The following NCKAP5 variants were observed in gnomAD, a reference collection of about 807,000 sequenced individuals.
NCKAP5 encodes the protein nck-associated protein 5.
NCKAP5 carries 92 observed loss-of-function variants against 167.0 expected under a neutral mutation model. The observed-to-expected ratio is 0.55, with a 90% CI of 0.47 to 0.66. The LOEUF is 0.66. NCKAP5 is among the 30% of genes least tolerant of loss of function. NCKAP5 has a pLI of 0.00. For synonymous variants in NCKAP5, 891 were observed against 877.4 expected (o/e 1.02, Z -0.27); for missense variants, 2,378 against 2,315.0 (o/e 1.03, Z -0.56).
chr2:133,128,686 C>T (rs1023356039), intron 6 of NCKAP5, among the ~76,000 whole-genome samples: 6 of 152,074 alleles, frequency 3.9e-5, no homozygotes, highest in Non-Finnish European at 8.8e-5. Flanking sequence ...CAAACTCCAC[C>T]TCCTGGGTTC....
intron 11 of NCKAP5, among the ~76,000 whole-genome samples, chr2:132,835,134 G>A (rs1687798928): frequency 6.6e-6 from 1 of 152,032 alleles, no homozygotes; most frequent in Non-Finnish European, 1.5e-5. Context: ...TGTGTATGTT[G>A]AACCATCCTT....
intron 7 of NCKAP5, among the ~76,000 whole-genome samples, chr2:132,986,291 G>A (rs1180384658): frequency 6.6e-6 from 1 of 152,156 alleles, no homozygotes; most frequent in East Asian, 1.9e-4. Context: ...TTCAAAATGA[G>A]GGAAAAGGTT....
chr2:132,744,307 C>T (rs542515966), intron 16 of NCKAP5, among the ~76,000 whole-genome samples: 7 of 151,316 alleles, frequency 4.6e-5, no homozygotes, highest in South Asian at 2.1e-4. Flanking sequence ...TTAAAATCAC[C>T]GAAGCCATGG....
chr2:133,123,419 T>C (rs1293432688), intron 6 of NCKAP5: 4 of 191,258 alleles, frequency 2.1e-5, no homozygotes, highest in Non-Finnish European at 4.4e-5. Flanking sequence ...ATCCAGGCAT[T>C]TTAAAAGAGG....
intron 3 of NCKAP5, among the ~76,000 whole-genome samples, chr2:133,471,095 C>T (rs1679254220): frequency 6.6e-6 from 1 of 152,204 alleles, no homozygotes; most frequent in South Asian, 2.1e-4. Flanking sequence ...TCAGTCATTC[C>T]ACAAGAAACT....
chr2:133,592,470 A>AT, the NCKAP5 span, among the ~76,000 whole-genome samples: 1 of 152,206 alleles, frequency 6.6e-6, no homozygotes, highest in African/African-American at 2.4e-5. Context: ...AAAACCATGA[A>AT]TTGCTAGCAA....
intron 6 of NCKAP5, among the ~76,000 whole-genome samples, chr2:133,112,001 A>G (rs1263565652): frequency 6.6e-6 from 1 of 152,242 alleles, no homozygotes; most frequent in Middle Eastern, 3.2e-3. Context: ...GAGGTCACTG[A>G]AACAGAAATC....
intron 8 of NCKAP5, among the ~76,000 whole-genome samples, chr2:132,879,818 A>G (rs2148816903): frequency 6.6e-6 from 1 of 152,318 alleles, no homozygotes; most frequent in Non-Finnish European, 1.5e-5. Context: ...AAATTATGGT[A>G]TGATTTTTAG....
At chr2:132,830,918 C>G (rs1411089297) in intron 11 of NCKAP5, among the ~76,000 whole-genome samples, 2 of 152,258 alleles carry the variant, frequency 1.3e-5, no homozygotes, top group Admixed American at 6.5e-5. Flanking sequence ...ATCTCACCCC[C>G]CTTCAGTCCT....
intron 8 of NCKAP5, among the ~76,000 whole-genome samples, chr2:132,883,106 T>C (rs1691901169): frequency 6.6e-6 from 1 of 151,004 alleles, no homozygotes; most frequent in Non-Finnish European, 1.5e-5. Flanking sequence ...GGAGGTTGAG[T>C]TTGGAGGATT....
chr2:133,148,543 C>G (rs776262864), intron 5 of NCKAP5, among the ~76,000 whole-genome samples: 1 of 152,072 alleles, frequency 6.6e-6, no homozygotes, highest in Non-Finnish European at 1.5e-5. Flanking sequence ...AATTTGCTGT[C>G]TTAGTATGGG....
intron 5 of NCKAP5, among the ~76,000 whole-genome samples, chr2:133,199,390 A>G (rs917488504): frequency 6.6e-6 from 1 of 152,034 alleles, no homozygotes; most frequent in Non-Finnish European, 1.5e-5. Context: ...ATACCACTCA[A>G]TGATTTCTTT....
chr2:133,286,804 C>A (rs533562120), intron 4 of NCKAP5, among the ~76,000 whole-genome samples: 3 of 138,570 alleles, frequency 2.2e-5, no homozygotes, highest in African/African-American at 5.1e-5. Context: ...GTAAAGACTG[C>A]GAAAAAAAAC....
intron 16 of NCKAP5, among the ~76,000 whole-genome samples, chr2:132,770,356 A>G (rs1200318957): frequency 1.3e-5 from 2 of 148,384 alleles, no homozygotes; most frequent in African/African-American, 4.9e-5. Context: ...TATGAATACA[A>G]CATATATTAT....
At chr2:133,441,686 A>C (rs977855379) in intron 3 of NCKAP5, among the ~76,000 whole-genome samples, 16 of 152,214 alleles carry the variant, frequency 1.1e-4, no homozygotes, top group African/African-American at 3.9e-4. Context: ...TCAGTATTTA[A>C]ATTCTTTGAA....
chr2:133,256,462 T>C (rs555196104), intron 4 of NCKAP5, among the ~76,000 whole-genome samples: 2 of 152,316 alleles, frequency 1.3e-5, no homozygotes, highest in Admixed American at 6.5e-5. Context: ...TAAATGTTAA[T>C]AATATATAAT....
intron 4 of NCKAP5, among the ~76,000 whole-genome samples, chr2:133,219,139 CAT>C (rs1490581355): frequency 1.3e-5 from 2 of 152,182 alleles, no homozygotes; most frequent in African/African-American, 4.8e-5. Context: ...TGACCTACCA[CAT>C]GAGTGGAGGA....
intron 16 of NCKAP5, among the ~76,000 whole-genome samples, chr2:132,748,741 C>T (rs1228080057): frequency 2.6e-5 from 4 of 152,008 alleles, no homozygotes; most frequent in Admixed American, 2.0e-4. Context: ...AATTCAATTA[C>T]TACTCCCTTA....
At chr2:133,119,616 G>A (rs887394542) in intron 6 of NCKAP5, among the ~76,000 whole-genome samples, 5 of 151,982 alleles carry the variant, frequency 3.3e-5, no homozygotes, top group Non-Finnish European at 7.4e-5. Flanking sequence ...CAAATTATAC[G>A]AATGTATTAA....
Sources: allele counts gnomAD v4.1 joint callset (sites outside exome capture counted in the v4.1 genomes callset), GRCh38; gene constraint gnomAD v4.1.1; transcripts MANE v1.5; gene names NCBI Gene and HGNC (gene_info 2026-07-23, HGNC 2026-07-21).